EFCC1: variants seen among roughly 807,000 people sequenced by gnomAD.
The protein encoded by EFCC1 is EF-hand and coiled-coil domain containing 1, also known as EF-hand and coiled-coil domain-containing protein 1.
In EFCC1, 50 loss-of-function variants were observed where a neutral mutation model predicts 52.1. That is an observed-to-expected ratio of 0.96 (90% confidence interval 0.76 to 1.21). The LOEUF (loss-of-function observed/expected upper bound fraction) is 1.21, where lower values mean the gene tolerates loss of function less well. Among genes scored for constraint, EFCC1 ranks in the 50% most tolerant of loss-of-function variants. The probability of loss-of-function intolerance (pLI) is 0.00; values close to 1 mark genes in which losing one functional copy is unlikely to be tolerated. For synonymous variants in EFCC1, 399 were observed against 396.5 expected (o/e 1.01, Z -0.08); for missense variants, 837 against 867.3 (o/e 0.97, Z 0.44).
At position 129,014,798 on chromosome 3, in the gene EFCC1, C is replaced by T. The variant is rs1169914703; in HGVS notation, c.980+10721C>T. 6.6e-6 allele frequency among the ~76,000 whole-genome samples: 1 copy of T among 152,184 alleles called. No homozygotes were observed. The highest frequency in any genetic ancestry group is 6.5e-5 in the Admixed American group (1 of 15,288). ...TGGGCACAAGCTTGGCTTGTCTGCA[C>T]TGCCTGCACGGGGACGAGCAGGTTG... On this transcript the variant is annotated intron_variant, in intron 2 of 7. Coordinates refer to ENST00000683648, the MANE Select transcript of EFCC1 (RefSeq NM_001377500.1). This position sits in a 1 kb window ranked among gnomAD's most constrained non-coding sequence, Gnocchi z 4.3.
chr3:129,021,812 A>G (rs997095859), intron 2 of EFCC1, among the ~76,000 whole-genome samples: 4 of 152,248 alleles, frequency 2.6e-5, no homozygotes, highest in African/African-American at 9.6e-5. Context: ...GAGTATTTAC[A>G]TATTGAAATG....
intron 2 of EFCC1, among the ~76,000 whole-genome samples, chr3:129,012,998 G>C (rs1474698480): frequency 6.6e-6 from 1 of 152,216 alleles, no homozygotes; most frequent in Non-Finnish European, 1.5e-5. Flanking sequence ...ATAAGGATAT[G>C]CTATTTACCC....
rs1470035362 is a variant in EFCC1, at chr3:129,028,877, G to A, written c.981-1826G>A. 2.6e-5 allele frequency among the ~76,000 whole-genome samples: 4 copies of A among 152,070 alleles called. No homozygotes were observed. The East Asian group carries it at 7.7e-4, about 29-fold the overall frequency. ...AGGCTGGTCTCAATCTCTTGACCTC[G>A]TGATCCACCCGCCTTGGCCTCCCAA... is the stretch of plus-strand genomic sequence containing the variant. On this transcript the variant is annotated intron_variant, in intron 2 of 7. Coordinates refer to ENST00000683648, the MANE Select transcript of EFCC1 (RefSeq NM_001377500.1).
chr3:129,025,993 G>A (rs1946089890), intron 2 of EFCC1, among the ~76,000 whole-genome samples: 1 of 152,218 alleles, frequency 6.6e-6, no homozygotes, highest in Non-Finnish European at 1.5e-5. Context: ...CCTGAGTGCA[G>A]ACCCCACCTC....
At chr3:129,033,292 C>T (rs1382467356) in intron 4 of EFCC1, among the ~76,000 whole-genome samples, 1 of 152,212 alleles carries the variant, frequency 6.6e-6, no homozygotes, top group African/African-American at 2.4e-5. Flanking sequence ...CCTCGCCACA[C>T]ACCATTTCCA....
chr3:129,026,935 G>A lies in EFCC1; in HGVS notation c.981-3768G>A, dbSNP rs114655660. 5.8e-3 allele frequency among the ~76,000 whole-genome samples: 884 copies of A among 152,258 alleles called. 15 individuals are homozygous for A. The highest frequency in any genetic ancestry group is 0.02 in the African/African-American group (840 of 41,532). ...TCAGAGTCATGGGCTCAAAAAACAC[G>A]AAATTCCAGGGTTAGCCCTGGCTTT... On this transcript the variant is annotated intron_variant, in intron 2 of 7. Coordinates refer to ENST00000683648, the MANE Select transcript of EFCC1 (RefSeq NM_001377500.1).
intron 2 of EFCC1, among the ~76,000 whole-genome samples, chr3:129,023,853 A>G (rs374998842): frequency 1.3e-5 from 2 of 152,306 alleles, no homozygotes; most frequent in East Asian, 3.9e-4. Context: ...CACAGGACAA[A>G]GCTGATAGGA....
Position 129,030,698 on chromosome 3 carries a change from T to A in EFCC1, c.981-5T>A. 3 of 1,551,124 alleles carry A rather than the reference T, an allele frequency of 1.9e-6. No individual in the cohort carries two copies. Among genetic ancestry groups the A allele is most frequent in the Non-Finnish European group, 2.6e-6 (3 of 1,146,626 alleles). The stretch of plus-strand genomic sequence containing the variant: ...TCAATGCCTGTGTCTCTCCCACGGC[T>A]GCAGGTCAGAGGATTCCCAGCTCCC... On this transcript the variant is annotated splice_polypyrimidine_tract_variant and splice_region_variant and intron_variant, in intron 2 of 7. Coordinates refer to ENST00000683648, the MANE Select transcript of EFCC1 (RefSeq NM_001377500.1).
intron 7 of EFCC1, among the ~76,000 whole-genome samples, chr3:129,039,221 C>T (rs772931841): frequency 4.6e-5 from 7 of 152,194 alleles, no homozygotes; most frequent in Non-Finnish European, 7.3e-5. Context: ...GTTGTTATCC[C>T]CTTTCCACAG....
At chr3:129,039,619 AG>A in intron 7 of EFCC1, 92 bp from the exon 8 acceptor site, 1 of 1,504,936 alleles carries the variant, frequency 6.6e-7, no homozygotes, top group Non-Finnish European at 8.9e-7. Context: ...ACAGCGGGTA[AG>A]AGTGGCTGGG....
At chr3:129,008,809 C>T (rs1168257126) in intron 2 of EFCC1, among the ~76,000 whole-genome samples, 1 of 152,192 alleles carries the variant, frequency 6.6e-6, no homozygotes, top group Non-Finnish European at 1.5e-5. Context: ...CCCCTGCCTG[C>T]TGAGGTGCAC....
At chr3:129,022,168 G>A (rs1428690738) in intron 2 of EFCC1, among the ~76,000 whole-genome samples, 1 of 152,136 alleles carries the variant, frequency 6.6e-6, no homozygotes, top group East Asian at 1.9e-4. Context: ...ATATTACCAG[G>A]GGCAGGAGCT....
In EFCC1 at chr3:129,002,208, G is replaced by T. The variant is rs766476371; in HGVS notation, c.580G>T (p.Gly194Cys). ...RPPCAPGPDS[G>C]PDCERVARLE... ...GCCCTGCGCGCCTGGCCCCGACAGC[G>T]GTCCTGACTGTGAGCGCGTTGCGCG... Residue 194 changes from glycine to cysteine, a missense_variant, in exon 1 of 8, where the codon GGT becomes TGT. Coordinates refer to ENST00000683648, the MANE Select transcript of EFCC1 (RefSeq NM_001377500.1). 7.9e-6 allele frequency: 12 copies of T among 1,521,450 alleles called. No homozygotes were observed. The highest frequency in any genetic ancestry group is 1.1e-5 in the Non-Finnish European group (12 of 1,140,824). The allele number at this position is 1,521,450 out of a possible 1,614,324, so 94.2% of individuals were successfully genotyped here.
intron 2 of EFCC1, among the ~76,000 whole-genome samples, chr3:129,029,299 C>T (rs971923700): frequency 1.3e-5 from 2 of 152,146 alleles, no homozygotes; most frequent in African/African-American, 4.8e-5. Context: ...CTTGTAACTG[C>T]AGGGAAATGG....
intron 2 of EFCC1, 71 bp downstream of exon 2, chr3:129,004,148 C>A: frequency 7.3e-7 from 1 of 1,374,276 alleles, no homozygotes; most frequent in Non-Finnish European, 9.4e-7. Context: ...TTCGGGTGTG[C>A]AATCCCCCTC....
chr3:129,028,292 C>T (rs1946186608), intron 2 of EFCC1, among the ~76,000 whole-genome samples: 1 of 152,062 alleles, frequency 6.6e-6, no homozygotes, highest in South Asian at 2.1e-4. Flanking sequence ...CCATGTTGGC[C>T]AGGCTGGTCT....
intron 2 of EFCC1, among the ~76,000 whole-genome samples, chr3:129,018,281 G>A (rs1472446084): frequency 6.6e-6 from 1 of 152,176 alleles, no homozygotes; most frequent in Non-Finnish European, 1.5e-5. Flanking sequence ...TCCGGGGTTA[G>A]CAAACTACAG....
chr3:129,001,646 G>A lies in EFCC1; in HGVS notation c.18G>A (p.Thr6=). 7.2e-7 allele frequency: 1 copy of A among 1,387,942 alleles called. No homozygotes were observed. Among genetic ancestry groups the A allele is most frequent in the Non-Finnish European group, 9.3e-7 (1 of 1,074,938 alleles). 86.0% of individuals were successfully genotyped at this position (1,387,942 alleles called of 1,614,324 possible). Residue 6 remains threonine (T), a synonymous_variant, in exon 1 of 8, where the codon ACG becomes ACA. Transcript: ENST00000683648. MEPVS[T]GAEAGMEGAG... is the part of the protein sequence containing the mutation. ...GCGCAGCGATGGAGCCGGTCAGCAC[G>A]GGCGCGGAGGCCGGCATGGAGGGCG...
At chr3:129,034,119 C>G in intron 4 of EFCC1, 45 bp from the exon 5 acceptor site, 1 of 1,611,850 alleles carries the variant, frequency 6.2e-7, no homozygotes, top group Non-Finnish European at 8.5e-7. Flanking sequence ...AGAGCGGGCT[C>G]TGGGAAGCAG....
Sources: gnomAD v4.1 joint callset for allele counts (sites outside exome capture counted in the v4.1 genomes callset) on GRCh38, gnomAD v4.1.1 for gene constraint, Gnocchi (gnomAD v3.1) non-coding constraint, MANE v1.5 for transcripts, NCBI Gene and HGNC (gene_info 2026-07-23, HGNC 2026-07-21) for gene names.